Variants in NEK10 observed in about 807,000 individuals in gnomAD.
The protein encoded by NEK10 is NIMA related kinase 10.
NEK10 carries 122 observed loss-of-function variants against 159.8 expected under a neutral mutation model. The ratio of observed to expected loss-of-function variants is 0.76; its 90% CI spans 0.66 to 0.89. The LOEUF (loss-of-function observed/expected upper bound fraction) is 0.89, where lower values mean the gene tolerates loss of function less well. Among genes scored for constraint, NEK10 ranks in the 40% least tolerant of loss-of-function variants. The probability of loss-of-function intolerance (pLI) is 0.00; values close to 1 mark genes in which losing one functional copy is unlikely to be tolerated. For missense variants in NEK10, 1,342 were observed against 1,323.1 expected, an observed-to-expected ratio of 1.01 and a Z score of -0.22; for synonymous variants, 466 against 457.1, an observed-to-expected ratio of 1.02 and a Z score of -0.25.
At chr3:27,345,117 T>C (rs1408327136) in intron 4 of NEK10, among the ~76,000 whole-genome samples, 1 of 152,202 alleles carries the variant, frequency 6.6e-6, no homozygotes, top group African/African-American at 2.4e-5. Flanking sequence ...ATAAAACTAA[T>C]TTTCAGATCT....
chr3:27,232,677 A>AGTAGGC (rs1368098192), intron 23 of NEK10, among the ~76,000 whole-genome samples: 1 of 152,094 alleles, frequency 6.6e-6, no homozygotes. Flanking sequence ...ACAAGGCTAT[A>AGTAGGC]GTTAGCAAAC....
At chr3:27,158,263 T>C (rs902852523) in intron 30 of NEK10, among the ~76,000 whole-genome samples, 3 of 152,144 alleles carry the variant, frequency 2.0e-5, no homozygotes, top group Non-Finnish European at 2.9e-5. Context: ...ACTAGTATCA[T>C]AGAAGTTTTG....
intron 24 of NEK10, among the ~76,000 whole-genome samples, chr3:27,202,118 G>A (rs916786769): frequency 5.3e-5 from 8 of 151,968 alleles, no homozygotes; most frequent in Non-Finnish European, 8.8e-5. Context: ...GTCACTGCAC[G>A]CCAGCCTGGC....
intron 23 of NEK10, among the ~76,000 whole-genome samples, chr3:27,247,792 T>C (rs1456246135): frequency 6.6e-6 from 1 of 151,462 alleles, no homozygotes; most frequent in Non-Finnish European, 1.5e-5. Context: ...GCCTGCAGTT[T>C]TCTTTTAATT....
chr3:27,187,312 G>T (rs888537230), intron 26 of NEK10, among the ~76,000 whole-genome samples: 1 of 152,158 alleles, frequency 6.6e-6, no homozygotes, highest in African/African-American at 2.4e-5. Context: ...GAACCCTTGG[G>T]ATGGCAAAGA....
At chr3:27,275,704 C>CT (rs1409268829) in intron 22 of NEK10, among the ~76,000 whole-genome samples, 1 of 152,140 alleles carries the variant, frequency 6.6e-6, no homozygotes, top group Non-Finnish European at 1.5e-5. Context: ...CACATAAGGA[C>CT]TTTGAGTTCC....
intron 22 of NEK10, among the ~76,000 whole-genome samples, chr3:27,259,500 G>C (rs1030670048): frequency 7.9e-5 from 12 of 152,082 alleles, no homozygotes; most frequent in African/African-American, 2.2e-4. Flanking sequence ...GCTTGTTTTT[G>C]TCAGGTTTGT....
At chr3:27,154,976 G>C (rs917644676) in intron 30 of NEK10, among the ~76,000 whole-genome samples, 1 of 152,056 alleles carries the variant, frequency 6.6e-6, no homozygotes, top group Non-Finnish European at 1.5e-5. Flanking sequence ...GGAAATAAAG[G>C]GCATCCAAAT....
Position 27,174,747 on chromosome 3 carries a change from G to C in NEK10, c.2592C>G (p.Pro864=), listed in dbSNP as rs765455554. Reference sequence around the variant, plus strand: ...CATAGGAGGCCTGGAAGCCTTCAGGGGGCAGGTCTGCGCTTTCTGAAAGTT... The same window carrying C: ...CATAGGAGGCCTGGAAGCCTTCAGGCGGCAGGTCTGCGCTTTCTGAAAGTT... ...KSELSESADL[P]PEGFQASYGK... The change falls in exon 27 of 36, where the codon CCC becomes CCG. Residue 864 remains proline, a synonymous_variant. Transcript: ENST00000691995. The C allele has an allele frequency of 6.2e-7, 1 of 1,613,518 alleles. No individual in the cohort carries two copies. Among genetic ancestry groups the C allele is most frequent in the Non-Finnish European group, 8.5e-7 (1 of 1,179,788 alleles).
chr3:27,202,503 T>A lies in NEK10; in HGVS notation c.2145A>T (p.Val715=). 6.2e-7 allele frequency: 1 copy of A among 1,613,204 alleles called. No homozygotes were observed. Among genetic ancestry groups the A allele is most frequent in the Non-Finnish European group, 8.5e-7 (1 of 1,179,510 alleles). ...PYGEKADVWA[V]GCILYQMATL... ...TCGCCATCTGATAAAGGATGCAGCCTACTGCCCAGACATCAGCCTTCTCCC... is the reference window on the plus strand; with the variant it reads ...TCGCCATCTGATAAAGGATGCAGCCAACTGCCCAGACATCAGCCTTCTCCC... Residue 715 remains valine (V), a synonymous_variant, in exon 24 of 36, where the codon GTA becomes GTT. Coordinates refer to ENST00000691995, the MANE Select transcript of NEK10 (RefSeq NM_001394966.1).
rs529727346 is a variant in NEK10, at chr3:27,264,765, G to A, written c.2015-8394C>T. On this transcript the variant is annotated intron_variant, in intron 22 of 35. Coordinates refer to ENST00000691995, the MANE Select transcript of NEK10 (RefSeq NM_001394966.1). ...AAAAATTATCTGGGTGTGGTGGCAG[G>A]TGCCTGTAATCCCAGTTACTCAGGA... is the stretch of plus-strand genomic sequence containing the variant. 5.3e-5 allele frequency among the ~76,000 whole-genome samples: 8 copies of A among 152,086 alleles called. No individual in the cohort carries two copies. The South Asian group carries it at 1.7e-3, about 32-fold the overall frequency.
chr3:27,115,332 CA>C, intron 35 of NEK10, among the ~76,000 whole-genome samples: 1 of 152,020 alleles, frequency 6.6e-6, no homozygotes, highest in East Asian at 1.9e-4. Flanking sequence ...ACACTATTTC[CA>C]AAACTAAAAT....
At chr3:27,330,491 A>G (rs1322973449) in intron 5 of NEK10, among the ~76,000 whole-genome samples, 1 of 152,256 alleles carries the variant, frequency 6.6e-6, no homozygotes, top group East Asian at 1.9e-4. Context: ...AAAAAAGCAT[A>G]AAATTGTTAA....
intron 30 of NEK10, among the ~76,000 whole-genome samples, chr3:27,151,123 C>A (rs2887880): frequency 0.05 from 7,588 of 152,180 alleles, 234 homozygotes; most frequent in Non-Finnish European, 0.06. Context: ...TAAGGCCTCA[C>A]ACACCGCTAG....
At chr3:27,237,001 G>A (rs918410668) in intron 23 of NEK10, among the ~76,000 whole-genome samples, 1 of 152,034 alleles carries the variant, frequency 6.6e-6, no homozygotes, top group African/African-American at 2.4e-5. Context: ...TCCCAAAGTG[G>A]CCGTTTATAG....
At chr3:27,276,729 C>T (rs1056802454) in intron 22 of NEK10, among the ~76,000 whole-genome samples, 6 of 152,056 alleles carry the variant, frequency 3.9e-5, no homozygotes, top group East Asian at 3.9e-4. Flanking sequence ...ATTAACTGGC[C>T]GACAAATCTT....
chr3:27,160,174 G>A (rs573263665), intron 30 of NEK10, among the ~76,000 whole-genome samples: 10 of 152,182 alleles, frequency 6.6e-5, no homozygotes, highest in African/African-American at 2.2e-4. Flanking sequence ...CATAACAAAT[G>A]CTTAAGGTAT....
intron 1 of NEK10, among the ~76,000 whole-genome samples, chr3:27,353,841 G>T (rs77946323): frequency 6.6e-6 from 1 of 152,184 alleles, no homozygotes; most frequent in East Asian, 1.9e-4. Flanking sequence ...ACCCACTCGT[G>T]AACTTTAAAA....
intron 5 of NEK10, among the ~76,000 whole-genome samples, chr3:27,324,291 G>T (rs1260619790): frequency 6.6e-6 from 1 of 152,180 alleles, no homozygotes; most frequent in East Asian, 1.9e-4. Context: ...CACAATGCAA[G>T]GTGCATTTCA....
Sources: allele counts gnomAD v4.1 joint callset (sites outside exome capture counted in the v4.1 genomes callset), GRCh38; gene constraint gnomAD v4.1.1; transcripts MANE v1.5; gene names NCBI Gene and HGNC (gene_info 2026-07-23, HGNC 2026-07-21).